The following GALM variants were observed in gnomAD, a reference collection of about 807,000 sequenced individuals.
GALM encodes the protein galactose mutarotase.
A neutral mutation model predicts 37.4 loss-of-function variants in GALM; 43 were observed. The ratio of observed to expected loss-of-function variants is 1.15; its 90% CI spans 0.90 to 1.48. The LOEUF is 1.48. GALM is among the 40% of genes most tolerant of loss of function. The pLI is 0.00. For synonymous variants in GALM, 199 were observed against 170.6 expected, an observed-to-expected ratio of 1.17 and a Z score of -1.30; for missense variants, 456 against 419.1, an observed-to-expected ratio of 1.09 and a Z score of -0.77.
chr2:38,708,568 C>T (rs1666087719), intron 4 of GALM, among the ~76,000 whole-genome samples: 1 of 151,914 alleles, frequency 6.6e-6, no homozygotes, highest in African/African-American at 2.4e-5. Flanking sequence ...GGTGAAACCC[C>T]ACCTCTACTA....
chr2:38,732,015 T>C, intron 6 of GALM, 106 bp downstream of exon 6: 1 of 984,968 alleles, frequency 1.0e-6, no homozygotes, highest in Non-Finnish European at 1.5e-6. Context: ...AAGTTCATGC[T>C]TTGTTTGTTT....
At chr2:38,676,118 C>T (rs1311603626) in intron 2 of GALM, 52 bp downstream of exon 2, 3 of 1,575,618 alleles carry the variant, frequency 1.9e-6, no homozygotes, top group Non-Finnish European at 2.6e-6. Flanking sequence ...TTACGCATAC[C>T]TTCTGCTTGC....
chr2:38,700,775 G>T (rs1665902120), intron 4 of GALM, among the ~76,000 whole-genome samples: 2 of 151,962 alleles, frequency 1.3e-5, no homozygotes, highest in Admixed American at 1.3e-4. Flanking sequence ...ATTATTTTCT[G>T]TTTTTTTAAA....
intron 1 of GALM, among the ~76,000 whole-genome samples, chr2:38,671,781 C>T (rs540271695): frequency 1.3e-5 from 2 of 152,190 alleles, no homozygotes; most frequent in East Asian, 3.9e-4. Context: ...CACTTGAGCT[C>T]AGGAGTTCAA....
chr2:38,666,410 C>T (rs1572504729), intron 1 of GALM, 59 bp downstream of exon 1: 7 of 1,286,942 alleles, frequency 5.4e-6, no homozygotes, highest in Admixed American at 2.3e-5. Context: ...ACATACCTCC[C>T]GGATCTAGCG....
At chr2:38,714,527 AACAGG>A (rs1184738355) in intron 4 of GALM, among the ~76,000 whole-genome samples, 1 of 152,146 alleles carries the variant, frequency 6.6e-6, no homozygotes, top group Non-Finnish European at 1.5e-5. Context: ...TACACTTTGA[AACAGG>A]GTGTAACCCA....
intron 4 of GALM, among the ~76,000 whole-genome samples, chr2:38,701,169 G>A (rs1374592662): frequency 6.6e-6 from 1 of 152,172 alleles, no homozygotes; most frequent in Non-Finnish European, 1.5e-5. Context: ...CTTCTATTTT[G>A]CCAGGGATTA....
At chr2:38,670,419 A>G (rs1435802417) in intron 1 of GALM, among the ~76,000 whole-genome samples, 2 of 152,102 alleles carry the variant, frequency 1.3e-5, no homozygotes, top group East Asian at 1.9e-4. Context: ...AGGGATGAGG[A>G]AAAAAAAGGA....
intron 4 of GALM, among the ~76,000 whole-genome samples, chr2:38,696,133 T>A (rs952875014): frequency 7.9e-5 from 12 of 151,940 alleles, no homozygotes; most frequent in African/African-American, 2.9e-4. Context: ...TTTTTTTTTC[T>A]TTTGAGACAG....
intron 4 of GALM, among the ~76,000 whole-genome samples, chr2:38,729,207 T>C (rs1377772635): frequency 6.6e-6 from 1 of 151,950 alleles, no homozygotes. Flanking sequence ...ATTTGTTTTT[T>C]AAGACAGTCT....
intron 5 of GALM, among the ~76,000 whole-genome samples, chr2:38,730,638 G>A (rs747684969): frequency 6.6e-6 from 1 of 152,074 alleles, no homozygotes; most frequent in Non-Finnish European, 1.5e-5. Context: ...GACCTTCTCC[G>A]GGCTGGGCGT....
chr2:38,672,267 C>T (rs1665127813), intron 1 of GALM, among the ~76,000 whole-genome samples: 1 of 152,112 alleles, frequency 6.6e-6, no homozygotes. Flanking sequence ...AAGTAGGACT[C>T]AAAAATCTCT....
At chr2:38,723,262 G>A (rs1211367146) in intron 4 of GALM, among the ~76,000 whole-genome samples, 1 of 152,188 alleles carries the variant, frequency 6.6e-6, no homozygotes. Context: ...GGGGAAAAGA[G>A]CAGTTAGGGT....
chr2:38,729,789 C>CA, intron 5 of GALM, 92 bp downstream of exon 5: 1 of 1,059,076 alleles, frequency 9.4e-7, no homozygotes, highest in Non-Finnish European at 1.4e-6. Context: ...ATATCAATAG[C>CA]ATTTACTATG....
chr2:38,731,396 CAAAAAAAA>C (rs66613702), intron 5 of GALM, among the ~76,000 whole-genome samples: 2 of 121,660 alleles, frequency 1.6e-5, no homozygotes, highest in African/African-American at 6.4e-5. Flanking sequence ...GACTCTATTT[CAAAAAAAA>C]AAAAAAAAAA....
chr2:38,695,698 C>CTTGT (rs1178067056), intron 4 of GALM, among the ~76,000 whole-genome samples: 9 of 151,490 alleles, frequency 5.9e-5, no homozygotes, highest in South Asian at 2.1e-4. Flanking sequence ...TGTTTGTTTG[C>CTTGT]TTGTTTGTTT....
chr2:38,681,610 G>A (rs1035308597), intron 3 of GALM, 124 bp downstream of exon 3: 9 of 773,550 alleles, frequency 1.2e-5, no homozygotes, highest in African/African-American at 3.4e-5. Context: ...TGATGAAAAG[G>A]GCCCAGCAGA....
chr2:38,729,512 G>C, intron 4 of GALM, 44 bp from the exon 5 acceptor site: 1 of 1,592,324 alleles, frequency 6.3e-7, no homozygotes, highest in Non-Finnish European at 8.6e-7. Flanking sequence ...ATAAAGATGA[G>C]ACTTGGGCAT....
intron 4 of GALM, among the ~76,000 whole-genome samples, chr2:38,727,498 G>T (rs1666508976): frequency 6.6e-6 from 1 of 151,982 alleles, no homozygotes; most frequent in South Asian, 2.1e-4. Context: ...GGAGGCCAAG[G>T]CAGGTGGTTC....
Sources: gnomAD v4.1 joint callset for allele counts (sites outside exome capture counted in the v4.1 genomes callset) on GRCh38, gnomAD v4.1.1 for gene constraint, MANE v1.5 for transcripts, NCBI Gene and HGNC (gene_info 2026-07-23, HGNC 2026-07-21) for gene names.